ASAP1: variants seen among roughly 807,000 people sequenced by gnomAD.
ASAP1 encodes ArfGAP with SH3 domain, ankyrin repeat and PH domain 1, also known as arf-GAP with SH3 domain, ANK repeat and PH domain-containing protein 1.
Under a neutral mutation model 145.2 loss-of-function variants are expected in ASAP1, and 43 were observed. That is an observed-to-expected ratio of 0.30 (90% confidence interval 0.23 to 0.38). The LOEUF is 0.38. ASAP1 is among the 10% of genes least tolerant of loss of function. The pLI, the probability that ASAP1 is intolerant of heterozygous loss-of-function variation, is 1.00. For synonymous variants in ASAP1, 546 were observed against 515.5 expected, an observed-to-expected ratio of 1.06 and a Z score of -0.80; for missense variants, 1,018 against 1,355.3, an observed-to-expected ratio of 0.75 and a Z score of 3.91.
chr8:130,399,595 G>A (rs1286319994), intron 2 of ASAP1, among the ~76,000 whole-genome samples: 11 of 152,078 alleles, frequency 7.2e-5, no homozygotes, highest in African/African-American at 2.4e-4. Flanking sequence ...TCTGCCTCCA[G>A]CCTCTCACTT....
chr8:130,319,434 G>T (rs1333286650), intron 3 of ASAP1, among the ~76,000 whole-genome samples: 1 of 152,212 alleles, frequency 6.6e-6, no homozygotes, highest in Non-Finnish European at 1.5e-5. Flanking sequence ...AAGGGGTGGT[G>T]GGGATTGCTC....
intron 24 of ASAP1, among the ~76,000 whole-genome samples, chr8:130,104,013 G>A (rs1362775496): frequency 1.3e-5 from 2 of 152,076 alleles, no homozygotes. Flanking sequence ...AGGGCTTAAT[G>A]GATATTCTCT....
At chr8:130,428,541 CCAT>C (rs1565308760) in intron 1 of ASAP1, among the ~76,000 whole-genome samples, 3 of 130,170 alleles carry the variant, frequency 2.3e-5, no homozygotes, top group African/African-American at 5.9e-5. Flanking sequence ...ACTATCATCA[CCAT>C]CATATAACTA....
intron 27 of ASAP1, among the ~76,000 whole-genome samples, chr8:130,072,004 C>G (rs940744374): frequency 6.6e-6 from 1 of 152,142 alleles, no homozygotes; most frequent in African/African-American, 2.4e-5. Context: ...AGGCCCCTGA[C>G]CTTCTCTTGC....
chr8:130,129,205 T>G (rs898181921), intron 15 of ASAP1, among the ~76,000 whole-genome samples: 3 of 152,232 alleles, frequency 2.0e-5, no homozygotes, highest in Non-Finnish European at 4.4e-5. Context: ...CATGTGGAAC[T>G]GTGAGTCAAT....
At chr8:130,094,369 T>C (rs2097512598) in intron 24 of ASAP1, among the ~76,000 whole-genome samples, 1 of 152,020 alleles carries the variant, frequency 6.6e-6, no homozygotes, top group South Asian at 2.1e-4. Flanking sequence ...TATCATAACA[T>C]CCAGCTAATT....
chr8:130,323,556 A>G (rs952677201), intron 3 of ASAP1, among the ~76,000 whole-genome samples: 1 of 152,148 alleles, frequency 6.6e-6, no homozygotes, highest in East Asian at 1.9e-4. Context: ...TCTGCAGAAG[A>G]GCTGAAAGTT....
intron 16 of ASAP1, 49 bp downstream of exon 16, chr8:130,127,878 G>C: frequency 3.1e-6 from 5 of 1,597,622 alleles, no homozygotes; most frequent in Non-Finnish European, 4.3e-6. Flanking sequence ...ATATTCTACA[G>C]GAAGAGAAAG....
At position 130,347,315 on chromosome 8, in the gene ASAP1, T is replaced by G. The variant is rs144811034; in HGVS notation, c.186+10702A>C. Among the ~76,000 whole-genome samples, 999 of 152,294 alleles carry G rather than the reference T, an allele frequency of 6.6e-3. 14 individuals are homozygous for G. Among genetic ancestry groups the G allele is most frequent in the African/African-American group, 0.022 (910 of 41,546 alleles). On this transcript the variant is annotated intron_variant, in intron 3 of 29. Coordinates refer to ENST00000518721, the MANE Select transcript of ASAP1 (RefSeq NM_018482.4). ...GTGCTCTGACCACAGTCCTTCCAAG[T>G]ATCCCAAATGAGTACAGAGCAGAAA... is the stretch of plus-strand genomic sequence containing the variant.
chr8:130,167,876 C>T (rs1282833010), intron 10 of ASAP1, among the ~76,000 whole-genome samples: 2 of 152,122 alleles, frequency 1.3e-5, no homozygotes, highest in African/African-American at 2.4e-5. Flanking sequence ...CTCTGAAGTA[C>T]TATTCTAAAC....
chr8:130,188,261 G>A (rs920742153), intron 5 of ASAP1, 78 bp from the exon 6 acceptor site: 6 of 1,148,156 alleles, frequency 5.2e-6, no homozygotes, highest in Non-Finnish European at 7.9e-6. Context: ...ACTATTGACT[G>A]AGCATTTTCC....
At chr8:130,150,595 C>T (rs1357844069) in intron 13 of ASAP1, among the ~76,000 whole-genome samples, 1 of 152,170 alleles carries the variant, frequency 6.6e-6, no homozygotes, top group Non-Finnish European at 1.5e-5. Flanking sequence ...CATGGTAACG[C>T]TGGCCAGGTG....
intron 3 of ASAP1, among the ~76,000 whole-genome samples, chr8:130,288,002 A>G (rs1244580827): frequency 2.0e-5 from 3 of 152,150 alleles, no homozygotes; most frequent in Non-Finnish European, 4.4e-5. Flanking sequence ...CCAAGCACCC[A>G]TGCAGGGTGA....
intron 1 of ASAP1, among the ~76,000 whole-genome samples, chr8:130,429,779 C>T (rs767555648): frequency 5.3e-5 from 8 of 152,240 alleles, no homozygotes; most frequent in Non-Finnish European, 8.8e-5. Context: ...AACACACACA[C>T]GTTCTGTCCA....
chr8:130,203,714 G>GT (rs1311587659), intron 5 of ASAP1, among the ~76,000 whole-genome samples: 1 of 152,198 alleles, frequency 6.6e-6, no homozygotes, highest in African/African-American at 2.4e-5. Context: ...GTGGGGCAGA[G>GT]TTTGACAGAA....
chr8:130,430,806 G>A (rs767786620), intron 1 of ASAP1, among the ~76,000 whole-genome samples: 6 of 152,222 alleles, frequency 3.9e-5, no homozygotes, highest in African/African-American at 1.4e-4. Context: ...ATGAGTGACA[G>A]GCGTGAAGGG....
At chr8:130,067,650 T>A (rs1304100079) in intron 27 of ASAP1, among the ~76,000 whole-genome samples, 1 of 152,192 alleles carries the variant, frequency 6.6e-6, no homozygotes, top group African/African-American at 2.4e-5. Flanking sequence ...ATCCTCCAGC[T>A]TGGGCCTCCC....
intron 29 of ASAP1, among the ~76,000 whole-genome samples, chr8:130,057,631 G>T (rs970989962): frequency 6.6e-6 from 1 of 152,090 alleles, no homozygotes; most frequent in Non-Finnish European, 1.5e-5. Flanking sequence ...TGTATTTTTA[G>T]TAGACACGGG....
Position 130,112,091 on chromosome 8 carries a change from T to C in ASAP1, c.2401+3A>G. On this transcript the variant is annotated splice_donor_region_variant and intron_variant, in intron 24 of 29. Transcript: ENST00000518721. ...AGTCACAAGCCCTTCTCAAAGCCCA[T>C]ACCTTTCCCGGCGTTCCTAGGAGGC... The C allele has an allele frequency of 1.2e-6, 2 of 1,612,586 alleles. No individual in the cohort carries two copies. The highest frequency in any genetic ancestry group is 1.7e-6 in the Non-Finnish European group (2 of 1,178,816).
Sources: allele counts gnomAD v4.1 joint callset (sites outside exome capture counted in the v4.1 genomes callset), GRCh38; gene constraint gnomAD v4.1.1; transcripts MANE v1.5; gene names NCBI Gene and HGNC (gene_info 2026-07-23, HGNC 2026-07-21).